The following GPC5 variants were observed in gnomAD, a reference collection of about 807,000 sequenced individuals.
GPC5 encodes the protein glypican-5.
Under a neutral mutation model 53.9 loss-of-function variants are expected in GPC5, and 47 were observed. The observed-to-expected ratio is 0.87, with a 90% confidence interval of 0.69 to 1.11. The LOEUF (loss-of-function observed/expected upper bound fraction) is 1.11, where lower values mean the gene tolerates loss of function less well. Ranked by LOEUF, GPC5 falls within the 50% of genes most tolerant of loss-of-function variation. The probability of loss-of-function intolerance (pLI) is 0.00; values close to 1 mark genes in which losing one functional copy is unlikely to be tolerated. For missense variants in GPC5, 748 were observed against 713.1 expected (o/e 1.05, Z -0.56); for synonymous variants, 286 against 263.3 (o/e 1.09, Z -0.84).
At position 91,682,228 on chromosome 13, in the gene GPC5, C is replaced by T. The variant is rs368635667; in HGVS notation, c.326-10959C>T. Among the ~76,000 whole-genome samples the T allele has an allele frequency of 5.9e-5, 9 of 152,062 alleles. No homozygotes were observed. The South Asian group carries it at 8.3e-4, about 14-fold the overall frequency. ...ATATACACAGTATTATTATGGTGGTCGTGCTAGTAAGAGTACCCGTATCAT... is the reference window on the plus strand; with the variant it reads ...ATATACACAGTATTATTATGGTGGTTGTGCTAGTAAGAGTACCCGTATCAT... On this transcript the variant is annotated intron_variant, in intron 2 of 7. Transcript: ENST00000377067.
intron 6 of GPC5, among the ~76,000 whole-genome samples, chr13:91,953,252 C>T (rs2139063137): frequency 6.6e-6 from 1 of 152,168 alleles, no homozygotes; most frequent in African/African-American, 2.4e-5. Context: ...TTGAGCTGGA[C>T]CTGATGAATA....
intron 7 of GPC5, among the ~76,000 whole-genome samples, chr13:92,670,020 A>G (rs952871387): frequency 1.7e-4 from 26 of 152,306 alleles, no homozygotes; most frequent in Admixed American, 1.6e-3. Context: ...CTCTCCTCTT[A>G]ACATATAAAC....
At chr13:92,764,524 G>T (rs757713883) in intron 7 of GPC5, among the ~76,000 whole-genome samples, 4 of 152,200 alleles carry the variant, frequency 2.6e-5, no homozygotes, top group Non-Finnish European at 4.4e-5. Context: ...GGTGAGGACT[G>T]TAGGTGTCCA....
At chr13:92,571,288 A>G (rs1202950165) in intron 7 of GPC5, among the ~76,000 whole-genome samples, 1 of 152,166 alleles carries the variant, frequency 6.6e-6, no homozygotes, top group African/African-American at 2.4e-5. Context: ...GTATAGAGAG[A>G]CAGCAACTCT....
chr13:92,487,531 C>T (rs780124977), intron 7 of GPC5, among the ~76,000 whole-genome samples: 2 of 152,120 alleles, frequency 1.3e-5, no homozygotes. Context: ...ACTCCTTCTC[C>T]TACAAAGAAG....
chr13:92,722,271 C>T (rs1004010333), intron 7 of GPC5, among the ~76,000 whole-genome samples: 5 of 151,936 alleles, frequency 3.3e-5, no homozygotes, highest in East Asian at 1.9e-4. Flanking sequence ...TTGCCTTCAT[C>T]GGATAAGGTG....
intron 7 of GPC5, among the ~76,000 whole-genome samples, chr13:92,533,450 A>T (rs767483629): frequency 2.6e-5 from 4 of 152,130 alleles, no homozygotes; most frequent in Non-Finnish European, 5.9e-5. Flanking sequence ...TTGTGTTATT[A>T]TTGTGTCTAA....
intron 7 of GPC5, among the ~76,000 whole-genome samples, chr13:92,195,877 C>A (rs1267937037): frequency 6.6e-6 from 1 of 152,102 alleles, no homozygotes; most frequent in Non-Finnish European, 1.5e-5. Context: ...TACTTATGTG[C>A]TCACTGTGTA....
intron 7 of GPC5, among the ~76,000 whole-genome samples, chr13:92,444,953 AT>A (rs555767245): frequency 3.7e-4 from 57 of 152,116 alleles, no homozygotes; most frequent in Non-Finnish European, 7.1e-4. Flanking sequence ...AGCAGGTGCT[AT>A]TTTCAGGTAG....
At chr13:91,777,611 A>G (rs2037731275) in intron 5 of GPC5, among the ~76,000 whole-genome samples, 1 of 152,176 alleles carries the variant, frequency 6.6e-6, no homozygotes, top group Non-Finnish European at 1.5e-5. Flanking sequence ...GATTTCTTAA[A>G]TTTCCGGGCT....
intron 7 of GPC5, among the ~76,000 whole-genome samples, chr13:92,209,291 C>G (rs1160817529): frequency 6.6e-6 from 1 of 152,028 alleles, no homozygotes; most frequent in African/African-American, 2.4e-5. Flanking sequence ...TTAGGATGTT[C>G]ATAACAAAAT....
At chr13:91,989,530 A>G (rs991815457) in intron 6 of GPC5, among the ~76,000 whole-genome samples, 1 of 152,212 alleles carries the variant, frequency 6.6e-6, no homozygotes, top group Non-Finnish European at 1.5e-5. Flanking sequence ...TAATGAATGT[A>G]TGGTTATTGC....
At chr13:91,570,968 G>A (rs2031754354) in intron 2 of GPC5, among the ~76,000 whole-genome samples, 1 of 152,028 alleles carries the variant, frequency 6.6e-6, no homozygotes, top group Non-Finnish European at 1.5e-5. Context: ...AAAAATCATA[G>A]CTTGCCTCAG....
chr13:92,455,541 T>G lies in GPC5; in HGVS notation c.1561+310552T>G, dbSNP rs558323567. ...ACACAAAAACACACTGATTTTATAATGTATACTATGAATAGATTTTGATGG... is the reference window on the plus strand; with the variant it reads ...ACACAAAAACACACTGATTTTATAAGGTATACTATGAATAGATTTTGATGG... On this transcript the variant is annotated intron_variant, in intron 7 of 7. Transcript: ENST00000377067. 7.9e-5 allele frequency among the ~76,000 whole-genome samples: 12 copies of G among 152,274 alleles called. No homozygotes were observed. The East Asian group carries it at 1.7e-3, about 22-fold the overall frequency.
chr13:91,841,959 A>G (rs1343233080), intron 5 of GPC5, among the ~76,000 whole-genome samples: 2 of 152,208 alleles, frequency 1.3e-5, no homozygotes. Flanking sequence ...AGTTTGTGCC[A>G]GGGAAGATAA....
At chr13:91,431,243 A>G (rs1214694371) in intron 1 of GPC5, among the ~76,000 whole-genome samples, 1 of 152,132 alleles carries the variant, frequency 6.6e-6, no homozygotes, top group Admixed American at 6.5e-5. Context: ...TTGAGATGGG[A>G]CAGTTTTGAG....
At position 91,640,264 on chromosome 13, in the gene GPC5, TC is replaced by T. The variant is rs144598407; in HGVS notation, c.326-52922del. Among the ~76,000 whole-genome samples the T allele has an allele frequency of 8.9e-3, 1,357 of 152,288 alleles. 20 individuals are homozygous for T. Among genetic ancestry groups the T allele is most frequent in the African/African-American group, 0.031 (1,281 of 41,552 alleles). On this transcript the variant is annotated intron_variant, in intron 2 of 7. Transcript: ENST00000377067. Reference sequence around the variant, plus strand: ...TCTGATAAAGGTCTAGTATCTAGAATCTACAATGAACTTAAACAAATTTACA... The same window carrying T: ...TCTGATAAAGGTCTAGTATCTAGAATTACAATGAACTTAAACAAATTTACA...
chr13:91,563,799 A>G (rs1278910736), intron 2 of GPC5, among the ~76,000 whole-genome samples: 3 of 150,032 alleles, frequency 2.0e-5, no homozygotes, highest in South Asian at 4.3e-4. Context: ...TCCTTCCTCA[A>G]TGTTGCTGCC....
intron 7 of GPC5, among the ~76,000 whole-genome samples, chr13:92,283,896 C>A (rs1338044647): frequency 5.3e-5 from 8 of 152,068 alleles, no homozygotes; most frequent in Admixed American, 5.2e-4. Context: ...AAGATCAGAG[C>A]AGAACTGAAG....
Sources: gnomAD v4.1 joint callset for allele counts (sites outside exome capture counted in the v4.1 genomes callset) on GRCh38, gnomAD v4.1.1 for gene constraint, MANE v1.5 for transcripts, NCBI Gene and HGNC (gene_info 2026-07-23, HGNC 2026-07-21) for gene names.